The following GRIA1 variants were observed in gnomAD, a reference collection of about 807,000 sequenced individuals.
GRIA1 encodes the protein glutamate ionotropic receptor AMPA type subunit 1, also known as glutamate receptor 1.
Under a neutral mutation model 99.2 loss-of-function variants are expected in GRIA1, and 31 were observed. That is an observed-to-expected ratio of 0.31 (90% CI 0.23 to 0.42). The LOEUF is 0.42. Among genes scored for constraint, GRIA1 ranks in the 10% least tolerant of loss-of-function variants. The pLI is 1.00. For missense variants in GRIA1, 782 were observed against 1,157.5 expected (o/e 0.68, Z 4.71); for synonymous variants, 438 against 432.4 (o/e 1.01, Z -0.16).
intron 10 of GRIA1, among the ~76,000 whole-genome samples, chr5:153,701,830 C>T (rs1758555499): frequency 6.6e-6 from 1 of 151,950 alleles, no homozygotes; most frequent in South Asian, 2.1e-4. Flanking sequence ...CTGTGGCTTT[C>T]TAAATAACTA....
chr5:153,696,013 A>T (rs1758066563), intron 8 of GRIA1, among the ~76,000 whole-genome samples: 1 of 152,144 alleles, frequency 6.6e-6, no homozygotes, highest in African/African-American at 2.4e-5. Context: ...CCATGGAGAG[A>T]TGGGGACAGA....
intron 2 of GRIA1, among the ~76,000 whole-genome samples, chr5:153,577,386 T>C (rs140268577): frequency 1.1e-3 from 175 of 152,304 alleles, no homozygotes; most frequent in Middle Eastern, 3.4e-3. Context: ...GGGACCAAGA[T>C]GGTATGTTGT....
At chr5:153,775,874 A>G (rs1764209235) in intron 13 of GRIA1, among the ~76,000 whole-genome samples, 1 of 149,632 alleles carries the variant, frequency 6.7e-6, no homozygotes, top group Non-Finnish European at 1.5e-5. Flanking sequence ...TTAGGGGCTG[A>G]AGAGGAAAAG....
chr5:153,521,202 C>A (rs975801576), intron 2 of GRIA1, among the ~76,000 whole-genome samples: 1 of 152,170 alleles, frequency 6.6e-6, no homozygotes, highest in Admixed American at 6.5e-5. Context: ...CCTGAGTGAG[C>A]ACAATGCTTA....
chr5:153,764,736 A>G, intron 12 of GRIA1, 104 bp downstream of exon 12: 1 of 806,854 alleles, frequency 1.2e-6, no homozygotes, highest in South Asian at 1.6e-5. Flanking sequence ...CAGCCAGAGC[A>G]AGTGCTTAAC....
At chr5:153,494,894 C>G (rs1022395021) in intron 2 of GRIA1, among the ~76,000 whole-genome samples, 3 of 152,122 alleles carry the variant, frequency 2.0e-5, no homozygotes, top group East Asian at 1.9e-4. Context: ...GCTGAATTCA[C>G]AAGAACAATT....
At chr5:153,605,293 A>G (rs1283320857) in intron 2 of GRIA1, among the ~76,000 whole-genome samples, 1 of 152,220 alleles carries the variant, frequency 6.6e-6, no homozygotes, top group African/African-American at 2.4e-5. Context: ...TTTGCTTAAT[A>G]TAACACTCAT....
intron 11 of GRIA1, among the ~76,000 whole-genome samples, chr5:153,732,811 A>G (rs1334445538): frequency 6.6e-6 from 1 of 152,044 alleles, no homozygotes; most frequent in African/African-American, 2.4e-5. Flanking sequence ...CAATGTCAAA[A>G]AGCTTTTGCT....
intron 2 of GRIA1, among the ~76,000 whole-genome samples, chr5:153,572,099 G>C (rs1475291560): frequency 6.6e-6 from 1 of 152,230 alleles, no homozygotes; most frequent in South Asian, 2.1e-4. Flanking sequence ...GAATGGTTGT[G>C]TAATATACGA....
chr5:153,566,304 C>CTTTTTTTTTGTTTTT (rs1761608941), intron 2 of GRIA1, among the ~76,000 whole-genome samples: 1 of 36,554 alleles, frequency 2.7e-5, no homozygotes, highest in Non-Finnish European at 5.5e-5. Flanking sequence ...AATTCCCTGC[C>CTTTTTTTTTGTTTTT]TTTTTTTTTT....
At chr5:153,712,747 G>A (rs1003029356) in intron 11 of GRIA1, among the ~76,000 whole-genome samples, 5 of 152,230 alleles carry the variant, frequency 3.3e-5, no homozygotes, top group Admixed American at 2.0e-4. Flanking sequence ...TCACAAGGAT[G>A]TGTCAAAAAT....
intron 5 of GRIA1, among the ~76,000 whole-genome samples, chr5:153,668,427 A>T (rs1378442448): frequency 6.6e-6 from 1 of 152,232 alleles, no homozygotes; most frequent in Admixed American, 6.5e-5. Context: ...AAAAATCAAA[A>T]GAATGATATT....
At chr5:153,578,691 G>A (rs1006269717) in intron 2 of GRIA1, among the ~76,000 whole-genome samples, 27 of 152,134 alleles carry the variant, frequency 1.8e-4, no homozygotes, top group African/African-American at 5.3e-4. Flanking sequence ...GGTGGATCAC[G>A]AGGTCAGGAA....
intron 2 of GRIA1, among the ~76,000 whole-genome samples, chr5:153,586,226 C>T (rs866912240): frequency 2.6e-5 from 4 of 152,252 alleles, no homozygotes; most frequent in Middle Eastern, 3.4e-3. Context: ...GGAAGAGGAA[C>T]CTTATTTGTT....
chr5:153,776,025 C>A (rs1157788137), intron 13 of GRIA1, among the ~76,000 whole-genome samples: 2 of 152,100 alleles, frequency 1.3e-5, no homozygotes, highest in African/African-American at 4.8e-5. Context: ...AATGTCTCTG[C>A]ATGTTTTACT....
intron 11 of GRIA1, among the ~76,000 whole-genome samples, chr5:153,710,650 G>A (rs1759247823): frequency 1.3e-5 from 2 of 152,212 alleles, no homozygotes; most frequent in African/African-American, 4.8e-5. Flanking sequence ...CCCCATGTGT[G>A]TGGTCAAGAT....
intron 12 of GRIA1, among the ~76,000 whole-genome samples, chr5:153,767,567 G>T (rs1223595114): frequency 6.6e-6 from 1 of 152,148 alleles, no homozygotes; most frequent in East Asian, 1.9e-4. Flanking sequence ...TCTGACCTTG[G>T]ATAATTATCC....
intron 2 of GRIA1, among the ~76,000 whole-genome samples, chr5:153,595,334 CT>C (rs765598140): frequency 2.4e-4 from 36 of 152,128 alleles, no homozygotes; most frequent in Non-Finnish European, 4.7e-4. Context: ...TTTTTCTCCC[CT>C]ATGATTAAAA....
intron 2 of GRIA1, among the ~76,000 whole-genome samples, chr5:153,558,527 T>G (rs1760848618): frequency 6.6e-6 from 1 of 152,096 alleles, no homozygotes; most frequent in South Asian, 2.1e-4. Context: ...TCACTTAGAT[T>G]CATTTTGAGA....
Sources: gnomAD v4.1 joint callset for allele counts (sites outside exome capture counted in the v4.1 genomes callset) on GRCh38, gnomAD v4.1.1 for gene constraint, MANE v1.5 for transcripts, NCBI Gene and HGNC (gene_info 2026-07-23, HGNC 2026-07-21) for gene names.